Variants in NKAIN2 observed in about 807,000 individuals in gnomAD.
The protein encoded by NKAIN2 is sodium/potassium transporting ATPase interacting 2.
Under a neutral mutation model 32.6 loss-of-function variants are expected in NKAIN2, and 14 were observed. The ratio of observed to expected loss-of-function variants is 0.43; its 90% CI spans 0.28 to 0.67. The LOEUF is 0.67. Ranked by LOEUF, NKAIN2 falls within the 30% of genes least tolerant of loss-of-function variation. The pLI, the probability that NKAIN2 is intolerant of heterozygous loss-of-function variation, is 0.17. For synonymous variants in NKAIN2, 80 were observed against 87.2 expected (o/e 0.92, Z 0.46); for missense variants, 198 against 258.3 (o/e 0.77, Z 1.60).
intron 2 of NKAIN2, among the ~76,000 whole-genome samples, chr6:124,339,459 A>G (rs1798027280): frequency 6.6e-6 from 1 of 152,162 alleles, no homozygotes; most frequent in African/African-American, 2.4e-5. Flanking sequence ...TCTCTGGGGG[A>G]AAATTCGATC....
At chr6:124,119,516 A>T (rs1785773981) in intron 1 of NKAIN2, among the ~76,000 whole-genome samples, 1 of 152,188 alleles carries the variant, frequency 6.6e-6, no homozygotes, top group Non-Finnish European at 1.5e-5. Flanking sequence ...GAATCGATAG[A>T]TCATAGTTTG....
intron 4 of NKAIN2, among the ~76,000 whole-genome samples, chr6:124,683,689 A>ACATGAAGAGCCAACACCGACCTCTCTATT (rs1284853668): frequency 6.6e-6 from 1 of 152,176 alleles, no homozygotes; most frequent in Admixed American, 6.5e-5. Flanking sequence ...CTGCTTTAGC[A>ACATGAAGAGCCAACACCGACCTCTCTATT]CATGAAGAGC....
At chr6:124,278,215 G>C (rs982542549) in intron 1 of NKAIN2, among the ~76,000 whole-genome samples, 1 of 152,074 alleles carries the variant, frequency 6.6e-6, no homozygotes, top group African/African-American at 2.4e-5. Context: ...CAGTACAAAG[G>C]CTTCCCTTTT....
chr6:124,635,983 A>T (rs1393254307), intron 3 of NKAIN2, among the ~76,000 whole-genome samples: 1 of 152,064 alleles, frequency 6.6e-6, no homozygotes, highest in Non-Finnish European at 1.5e-5. Context: ...ATAACTACAG[A>T]ATACATATTC....
intron 3 of NKAIN2, chr6:124,437,871 GATTTT>G (rs1775520257): frequency 3.0e-6 from 1 of 328,790 alleles, no homozygotes; most frequent in African/African-American, 2.9e-5. Flanking sequence ...CTGATCTATT[GATTTT>G]TTTTTTTTTT....
At chr6:123,876,169 T>C (rs1372743698) in intron 1 of NKAIN2, among the ~76,000 whole-genome samples, 3 of 152,202 alleles carry the variant, frequency 2.0e-5, no homozygotes, top group Non-Finnish European at 4.4e-5. Context: ...TGCTATAGTC[T>C]CAGAAGTCTG....
intron 4 of NKAIN2, among the ~76,000 whole-genome samples, chr6:124,735,196 C>T (rs918180277): frequency 1.3e-5 from 2 of 151,928 alleles, no homozygotes; most frequent in Non-Finnish European, 2.9e-5. Flanking sequence ...GTGGCACTTG[C>T]AGCTGCCCAG....
chr6:124,255,939 C>T (rs1409835209), intron 1 of NKAIN2, among the ~76,000 whole-genome samples: 1 of 152,158 alleles, frequency 6.6e-6, no homozygotes, highest in Non-Finnish European at 1.5e-5. Context: ...TGCTGCTCTT[C>T]AAAACCTTTG....
intron 1 of NKAIN2, among the ~76,000 whole-genome samples, chr6:123,832,105 T>C (rs9490957): frequency 0.073 from 11,148 of 152,178 alleles, 850 homozygotes; most frequent in African/African-American, 0.19. Context: ...TTCACTGCCA[T>C]GACAAACCTC....
chr6:124,209,313 A>T (rs802235), intron 1 of NKAIN2, among the ~76,000 whole-genome samples: 1 of 151,542 alleles, frequency 6.6e-6, no homozygotes, highest in Non-Finnish European at 1.5e-5. Context: ...ATTCCTTTTT[A>T]TGGCTGAATA....
intron 1 of NKAIN2, among the ~76,000 whole-genome samples, chr6:123,892,144 G>C (rs1321858830): frequency 1.3e-5 from 2 of 152,026 alleles, no homozygotes; most frequent in Non-Finnish European, 2.9e-5. Context: ...GAAAGTGAGG[G>C]CTCCATTACA....
chr6:124,680,513 A>G (rs1018844516), intron 4 of NKAIN2, among the ~76,000 whole-genome samples: 3 of 152,120 alleles, frequency 2.0e-5, no homozygotes, highest in Non-Finnish European at 4.4e-5. Context: ...ACTGGCATAA[A>G]TGTCAGAGTT....
intron 1 of NKAIN2, among the ~76,000 whole-genome samples, chr6:123,935,874 G>A (rs1367166571): frequency 6.6e-6 from 1 of 152,006 alleles, no homozygotes; most frequent in African/African-American, 2.4e-5. Flanking sequence ...AAGGAGACTG[G>A]TGAATAGCCA....
chr6:123,817,016 G>A (rs1321645167), intron 1 of NKAIN2, among the ~76,000 whole-genome samples: 1 of 152,140 alleles, frequency 6.6e-6, no homozygotes, highest in Non-Finnish European at 1.5e-5. Flanking sequence ...TGTTCTGGGG[G>A]TTGTATATAC....
At chr6:124,344,333 A>T (rs1798294232) in intron 2 of NKAIN2, among the ~76,000 whole-genome samples, 1 of 152,048 alleles carries the variant, frequency 6.6e-6, no homozygotes, top group Non-Finnish European at 1.5e-5. Context: ...TTGGTTCCAT[A>T]TGAATTTTAA....
chr6:124,407,273 C>T (rs921152993), intron 3 of NKAIN2, among the ~76,000 whole-genome samples: 3 of 151,928 alleles, frequency 2.0e-5, no homozygotes, highest in Non-Finnish European at 2.9e-5. Flanking sequence ...TATACATGTG[C>T]CATGTTGGTG....
At chr6:124,804,862 G>C (rs1476322732) in intron 5 of NKAIN2, among the ~76,000 whole-genome samples, 2 of 152,166 alleles carry the variant, frequency 1.3e-5, no homozygotes, top group African/African-American at 2.4e-5. Flanking sequence ...GGCTCCGAGG[G>C]TCCTATGCCC....
intron 3 of NKAIN2, among the ~76,000 whole-genome samples, chr6:124,417,332 C>T (rs1201085180): frequency 6.6e-6 from 1 of 152,106 alleles, no homozygotes; most frequent in Admixed American, 6.6e-5. Flanking sequence ...TTTAAACACT[C>T]AGTGGATGGA....
chr6:124,665,094 A>G (rs1772725245), intron 4 of NKAIN2, among the ~76,000 whole-genome samples: 1 of 152,130 alleles, frequency 6.6e-6, no homozygotes, highest in Non-Finnish European at 1.5e-5. Context: ...CTACCCAAAG[A>G]AATCTACAGA....
Sources: allele counts gnomAD v4.1 joint callset (sites outside exome capture counted in the v4.1 genomes callset), GRCh38; gene constraint gnomAD v4.1.1; transcripts MANE v1.5; gene names NCBI Gene and HGNC (gene_info 2026-07-23, HGNC 2026-07-21).